The following PRKG1 variants were observed in gnomAD, a reference collection of about 807,000 sequenced individuals.
PRKG1 encodes cGMP-dependent protein kinase 1.
In PRKG1, 35 loss-of-function variants were observed where a neutral mutation model predicts 88.1. The ratio of observed to expected loss-of-function variants is 0.40; its 90% CI spans 0.30 to 0.53. PRKG1 has a LOEUF of 0.53. Among genes scored for constraint, PRKG1 ranks in the 20% least tolerant of loss-of-function variants. The pLI, the probability that PRKG1 is intolerant of heterozygous loss-of-function variation, is 0.59. For synonymous variants in PRKG1, 303 were observed against 292.5 expected (o/e 1.04, Z -0.37); for missense variants, 540 against 839.8 (o/e 0.64, Z 4.41).
At chr10:51,485,744 A>G (rs1387468321) in intron 3 of PRKG1, among the ~76,000 whole-genome samples, 2 of 152,166 alleles carry the variant, frequency 1.3e-5, no homozygotes, top group Non-Finnish European at 2.9e-5. Context: ...TTTGGAAACA[A>G]AAGGGGCAAG....
Position 51,269,309 on chromosome 10 carries a change from A to T in PRKG1, c.478+115979A>T, listed in dbSNP as rs549857885. ...AACTAGTATAATCACTGTGGAAAAC[A>T]CTATGGAGATTCCTTAAATAACTAA... On this transcript the variant is annotated intron_variant, in intron 2 of 17. Coordinates refer to ENST00000373980, the MANE Select transcript of PRKG1 (RefSeq NM_006258.4). 4.6e-5 allele frequency among the ~76,000 whole-genome samples: 7 copies of T among 152,306 alleles called. No homozygotes were observed. In the South Asian group the frequency reaches 1.2e-3, roughly 27 times the overall value.
intron 3 of PRKG1, among the ~76,000 whole-genome samples, chr10:51,548,595 A>G (rs1033896729): frequency 7.2e-5 from 11 of 152,218 alleles, no homozygotes; most frequent in Admixed American, 1.3e-4. Context: ...TGTTTTCGTA[A>G]CACTCTACTA....
chr10:51,582,874 C>T (rs1838077725), intron 3 of PRKG1, among the ~76,000 whole-genome samples: 1 of 152,088 alleles, frequency 6.6e-6, no homozygotes, highest in African/African-American at 2.4e-5. Context: ...TGAATACTTT[C>T]CCATTTAGCT....
chr10:51,986,539 A>G (rs191542674), intron 5 of PRKG1, among the ~76,000 whole-genome samples: 194 of 152,354 alleles, frequency 1.3e-3, no homozygotes, highest in Non-Finnish European at 1.8e-3. Context: ...ATCAGTTTCT[A>G]TATGGTTTAA....
chr10:52,187,553 T>A (rs1403799288), intron 9 of PRKG1, among the ~76,000 whole-genome samples: 2 of 152,186 alleles, frequency 1.3e-5, no homozygotes, highest in Non-Finnish European at 2.9e-5. Flanking sequence ...ACAAATTTGA[T>A]AGTCTCTCCA....
At chr10:51,318,428 A>G (rs1392570868) in intron 2 of PRKG1, among the ~76,000 whole-genome samples, 1 of 152,224 alleles carries the variant, frequency 6.6e-6, no homozygotes, top group Non-Finnish European at 1.5e-5. Flanking sequence ...CAAGGACTCA[A>G]ATGGTATTGA....
intron 3 of PRKG1, among the ~76,000 whole-genome samples, chr10:51,616,362 G>A (rs1298375666): frequency 6.6e-6 from 1 of 152,196 alleles, no homozygotes. Context: ...CGAGTCCCTG[G>A]GCAGTTGGTG....
chr10:51,208,846 A>T (rs1318822774), intron 2 of PRKG1, among the ~76,000 whole-genome samples: 1 of 152,164 alleles, frequency 6.6e-6, no homozygotes, highest in Admixed American at 6.5e-5. Flanking sequence ...CCTCGAATGG[A>T]ATAGGACTAT....
At chr10:52,287,755 A>T (rs1446631538) in intron 14 of PRKG1, among the ~76,000 whole-genome samples, 1 of 151,942 alleles carries the variant, frequency 6.6e-6, no homozygotes, top group Admixed American at 6.6e-5. Flanking sequence ...CTGGGGTATT[A>T]CATCCTTGCT....
At chr10:51,227,997 C>A (rs1176728811) in intron 2 of PRKG1, among the ~76,000 whole-genome samples, 1 of 150,360 alleles carries the variant, frequency 6.7e-6, no homozygotes, top group African/African-American at 2.5e-5. Context: ...GGATCATTTT[C>A]TTTAGGGATT....
chr10:51,160,905 T>A (rs1462967129), intron 2 of PRKG1, among the ~76,000 whole-genome samples: 2 of 133,198 alleles, frequency 1.5e-5, no homozygotes, highest in African/African-American at 7.0e-5. Flanking sequence ...TCTGTGTGTG[T>A]GTGCATGTGT....
intron 3 of PRKG1, among the ~76,000 whole-genome samples, chr10:51,617,541 C>A (rs559081782): frequency 3.3e-5 from 5 of 152,192 alleles, no homozygotes; most frequent in African/African-American, 9.6e-5. Flanking sequence ...ACTGTTGTAC[C>A]TTTTCTATGT....
chr10:52,138,350 A>G (rs918567771), intron 8 of PRKG1, among the ~76,000 whole-genome samples: 7 of 152,160 alleles, frequency 4.6e-5, no homozygotes, highest in African/African-American at 1.4e-4. Flanking sequence ...GATAATGTCA[A>G]GCTAAAATAT....
At chr10:51,542,687 A>C (rs940456287) in intron 3 of PRKG1, among the ~76,000 whole-genome samples, 1 of 151,830 alleles carries the variant, frequency 6.6e-6, no homozygotes, top group Admixed American at 6.6e-5. Flanking sequence ...TCTGCAAACT[A>C]TTATTGAAGC....
intron 7 of PRKG1, among the ~76,000 whole-genome samples, chr10:52,123,589 A>G (rs1384417434): frequency 6.6e-6 from 1 of 152,146 alleles, no homozygotes; most frequent in Non-Finnish European, 1.5e-5. Context: ...ATTTTTAAGG[A>G]CAGAGATCAT....
rs192612640 is a variant in PRKG1 at position 51,584,459 on chromosome 10, T to C, written c.592+116623T>C. On this transcript the variant is annotated intron_variant, in intron 3 of 17. Coordinates refer to ENST00000373980, the MANE Select transcript of PRKG1 (RefSeq NM_006258.4). ...CAAAGTGTAATATCAAAGTAATAAA[T>C]GATAGGAAAATTCTCAGGGTAGTTG... Among the ~76,000 whole-genome samples, 399 of 152,118 alleles carry C rather than the reference T, an allele frequency of 2.6e-3. 2 individuals carry two copies. The highest frequency in any genetic ancestry group is 6.8e-3 in the Middle Eastern group (2 of 294).
chr10:51,898,198 C>T (rs1242923909), intron 4 of PRKG1, among the ~76,000 whole-genome samples: 1 of 152,118 alleles, frequency 6.6e-6, no homozygotes, highest in Admixed American at 6.6e-5. Context: ...CAGATCTTAC[C>T]TTTAAAGTGA....
At chr10:51,672,497 T>G (rs568538184) in intron 3 of PRKG1, among the ~76,000 whole-genome samples, 1 of 152,162 alleles carries the variant, frequency 6.6e-6, no homozygotes, top group Non-Finnish European at 1.5e-5. Context: ...TTCTTTATGT[T>G]TTGCCTTTCT....
intron 1 of PRKG1, among the ~76,000 whole-genome samples, chr10:51,017,797 A>T (rs1589109015): frequency 6.6e-6 from 1 of 151,704 alleles, no homozygotes; most frequent in South Asian, 2.1e-4. Flanking sequence ...ATTTTTATTT[A>T]TTTATTTATT....
Sources: allele counts gnomAD v4.1 joint callset (sites outside exome capture counted in the v4.1 genomes callset), GRCh38; gene constraint gnomAD v4.1.1; transcripts MANE v1.5; gene names NCBI Gene and HGNC (gene_info 2026-07-23, HGNC 2026-07-21).